Variants in ROBO2 observed in about 807,000 individuals in gnomAD.
ROBO2 encodes roundabout guidance receptor 2.
Under a neutral mutation model 160.8 loss-of-function variants are expected in ROBO2, and 53 were observed. The ratio of observed to expected loss-of-function variants is 0.33; its 90% CI spans 0.26 to 0.41. The LOEUF is 0.41. ROBO2 is among the 10% of genes least tolerant of loss of function. The pLI is 1.00. For missense variants in ROBO2, 1,577 were observed against 1,722.4 expected (o/e 0.92, Z 1.49); for synonymous variants, 664 against 611.7 (o/e 1.09, Z -1.26).
chr3:77,622,317 T>C (rs1459651094), exon 23 of ROBO2: 1 of 1,614,128 alleles, frequency 6.2e-7, no homozygotes, highest in Admixed American at 1.7e-5. Flanking sequence ...TGGAAACGGA[T>C]GTTGCAGATG....
chr3:76,093,288 T>A (rs1220989241), intron 2 of ROBO2, among the ~76,000 whole-genome samples: 4 of 152,008 alleles, frequency 2.6e-5, no homozygotes, highest in Admixed American at 2.0e-4. Flanking sequence ...ATAATGGGTG[T>A]TCTTTCTTTT....
chr3:76,936,749 G>A lies in ROBO2; in HGVS notation c.110-161265G>A, dbSNP rs146349881. On this transcript the variant is annotated intron_variant, in intron 2 of 26. Transcript: ENST00000487694. The stretch of plus-strand genomic sequence containing the variant: ...ATTCATTTTATTCACAACAGCAGTG[G>A]ATATTTTTAGACTACAGAGTAATTG... Among the ~76,000 whole-genome samples, 290 of 70,222 alleles carry A rather than the reference G, an allele frequency of 4.1e-3. 19 individuals are homozygous for A. The highest frequency in any genetic ancestry group is 0.017 in the African/African-American group (274 of 15,994). 46.1% of individuals were successfully genotyped at this position (70,222 alleles called of 152,430 possible). A position where few individuals can be genotyped will look rare whatever the true frequency, so the allele number is the denominator to read the frequency against.
rs781619053 is a variant in ROBO2, at chr3:76,761,254, G to GA, written c.110-336753dup. On this transcript the variant is annotated intron_variant, in intron 2 of 26. Coordinates refer to the ROBO2 transcript ENST00000487694. ...GATTACTTTGAAATCAAACCTTAGA[G>GA]AAAAAAATAAGCCTTTCTGAGTAAG... Among the ~76,000 whole-genome samples, 6 of 151,732 alleles carry GA rather than the reference G, an allele frequency of 4.0e-5. No individual in the cohort carries two copies. The East Asian group carries it at 1.2e-3, about 30-fold the overall frequency.
chr3:76,316,589 G>A (rs556739567), intron 2 of ROBO2, among the ~76,000 whole-genome samples: 45 of 152,238 alleles, frequency 3.0e-4, no homozygotes, highest in African/African-American at 9.6e-4. Flanking sequence ...CAATCAATTT[G>A]TACAGTAGAG....
rs550356650 is a variant in ROBO2 at position 76,683,892 on chromosome 3, A to C, written c.110-414122A>C. Reference sequence around the variant, plus strand: ...TGAACTTTAAAACTTCTAATTTCTAAGTTTAAAAAAGAAATAAAAAGTTTA... The same window carrying C: ...TGAACTTTAAAACTTCTAATTTCTACGTTTAAAAAAGAAATAAAAAGTTTA... On this transcript the variant is annotated intron_variant, in intron 2 of 26. Coordinates refer to the ROBO2 transcript ENST00000487694. 2.6e-5 allele frequency among the ~76,000 whole-genome samples: 4 copies of C among 152,258 alleles called. No homozygotes were observed. The South Asian group carries it at 8.3e-4, about 32-fold the overall frequency.
At chr3:76,494,083 G>A (rs552513921) in intron 2 of ROBO2, among the ~76,000 whole-genome samples, 1 of 152,114 alleles carries the variant, frequency 6.6e-6, no homozygotes, top group East Asian at 1.9e-4. Context: ...TGATATGTAC[G>A]TGAATGTTCA....
rs565589685 is a variant in ROBO2 at position 76,526,678 on chromosome 3, A to G, written c.110-571336A>G. On this transcript the variant is annotated intron_variant, in intron 2 of 26. Transcript: ENST00000487694. ...TCCCAATGCAGGGTGGTAAAGATAT[A>G]TTTTATTCAGCTGAATTGTTGCAAC... is the stretch of plus-strand genomic sequence containing the variant. Among the ~76,000 whole-genome samples, 3 of 152,108 alleles carry G rather than the reference A, an allele frequency of 2.0e-5. 1 individual carries two copies. Among genetic ancestry groups the G allele is most frequent in the Admixed American group, 2.0e-4 (3 of 15,230 alleles).
intron 2 of ROBO2, among the ~76,000 whole-genome samples, chr3:75,975,366 T>G (rs770222230): frequency 6.6e-6 from 1 of 151,434 alleles, no homozygotes; most frequent in South Asian, 2.1e-4. Context: ...GACTAAGATA[T>G]TTGAATATTT....
chr3:77,573,320 G>A (rs1285911471), intron 13 of ROBO2, among the ~76,000 whole-genome samples: 1 of 151,838 alleles, frequency 6.6e-6, no homozygotes, highest in Non-Finnish European at 1.5e-5. Flanking sequence ...TAAAATAAAT[G>A]TATACAGAGA....
At chr3:77,591,918 A>C (rs891430529) in intron 17 of ROBO2, among the ~76,000 whole-genome samples, 7 of 152,226 alleles carry the variant, frequency 4.6e-5, no homozygotes, top group Non-Finnish European at 8.8e-5. Flanking sequence ...CAAAATGCTG[A>C]TCAAAACACC....
intron 2 of ROBO2, among the ~76,000 whole-genome samples, chr3:76,338,049 T>G (rs533052084): frequency 6.6e-6 from 1 of 152,290 alleles, no homozygotes; most frequent in South Asian, 2.1e-4. Flanking sequence ...ATTCATTTCA[T>G]GGTACCTCAA....
intron 2 of ROBO2, among the ~76,000 whole-genome samples, chr3:76,562,614 T>A (rs2084264871): frequency 1.3e-5 from 2 of 152,138 alleles, no homozygotes. Context: ...AGAATAAAAG[T>A]CGCCATCCTC....
At chr3:77,610,169 CAG>C (rs1336206002) in intron 21 of ROBO2, among the ~76,000 whole-genome samples, 2 of 151,912 alleles carry the variant, frequency 1.3e-5, no homozygotes, top group Admixed American at 6.6e-5. Context: ...TTATTGAACA[CAG>C]TAGAGTATTC....
intron 1 of ROBO2, among the ~76,000 whole-genome samples, chr3:77,041,899 T>C (rs75071836): frequency 0.014 from 2,161 of 152,306 alleles, 58 homozygotes; most frequent in African/African-American, 0.048. Context: ...GTTTGAGCCA[T>C]CACAATAGCT....
chr3:76,296,793 G>A (rs1709098012), intron 2 of ROBO2, among the ~76,000 whole-genome samples: 1 of 152,122 alleles, frequency 6.6e-6, no homozygotes, highest in African/African-American at 2.4e-5. Flanking sequence ...GTACTTATAT[G>A]GAAGTGACTT....
intron 2 of ROBO2, among the ~76,000 whole-genome samples, chr3:76,136,935 C>A (rs2071449051): frequency 6.6e-6 from 1 of 151,744 alleles, no homozygotes; most frequent in African/African-American, 2.4e-5. Flanking sequence ...GAAATCAAGT[C>A]TATAGAAAAC....
chr3:77,085,547 T>C (rs564836892), intron 1 of ROBO2, among the ~76,000 whole-genome samples: 9 of 152,188 alleles, frequency 5.9e-5, no homozygotes, highest in African/African-American at 2.2e-4. Context: ...ATCCATTCAT[T>C]GTCAGTATGG....
At chr3:76,248,911 T>C (rs1429454597) in intron 2 of ROBO2, among the ~76,000 whole-genome samples, 1 of 152,114 alleles carries the variant, frequency 6.6e-6, no homozygotes, top group East Asian at 1.9e-4. Flanking sequence ...CTGTGCTGTT[T>C]ACGCTGGTAC....
chr3:76,404,061 C>A (rs1435244996), intron 2 of ROBO2, among the ~76,000 whole-genome samples: 2 of 151,540 alleles, frequency 1.3e-5, no homozygotes, highest in African/African-American at 4.8e-5. Context: ...GAATTTTAAA[C>A]AACAAAGTTT....
Sources: allele counts gnomAD v4.1 joint callset (sites outside exome capture counted in the v4.1 genomes callset), GRCh38; gene constraint gnomAD v4.1.1; transcripts MANE v1.5; gene names NCBI Gene and HGNC (gene_info 2026-07-23, HGNC 2026-07-21).